The following HSD17B13 variants were observed in gnomAD, a reference collection of about 807,000 sequenced individuals.
The protein encoded by HSD17B13 is hydroxysteroid 17-beta dehydrogenase 13, also known as 17-beta-hydroxysteroid dehydrogenase 13.
In HSD17B13, 26 loss-of-function variants were observed where a neutral mutation model predicts 31.1. The ratio of observed to expected loss-of-function variants is 0.84; its 90% CI spans 0.61 to 1.16. The LOEUF (loss-of-function observed/expected upper bound fraction) is 1.16, where lower values mean the gene tolerates loss of function less well. Ranked by LOEUF, HSD17B13 falls within the 50% of genes most tolerant of loss-of-function variation. The pLI is 0.00. For missense variants in HSD17B13, 374 were observed against 366.5 expected (o/e 1.02, Z -0.17); for synonymous variants, 141 against 133.7 (o/e 1.05, Z -0.38).
In HSD17B13 at chr4:87,305,133, A is replaced by G; in HGVS notation, c.*85T>C. On this transcript the variant is annotated 3_prime_UTR_variant, in exon 7 of 7. Transcript: ENST00000328546. ...TGTTTTTAATATTATCAGGACTGAA[A>G]AAATGTGAAATAAAGCTTTGCAGCA... is the stretch of plus-strand genomic sequence containing the variant. 1.2e-6 allele frequency: 1 copy of G among 831,546 alleles called. No homozygotes were observed. The highest frequency in any genetic ancestry group is 1.8e-6 in the Non-Finnish European group (1 of 560,182). The allele number at this position is 831,546 out of a possible 1,614,324, so 51.5% of individuals were successfully genotyped here.
At chr4:87,312,682 A>T (rs369443380) in intron 5 of HSD17B13, among the ~76,000 whole-genome samples, 1 of 150,154 alleles carries the variant, frequency 6.7e-6, no homozygotes, top group African/African-American at 2.4e-5. Flanking sequence ...GGCGCCCGCC[A>T]CCACGCCCGG....
At chr4:87,305,406 T>G (rs932634774) in intron 6 of HSD17B13, 98 bp from the exon 7 acceptor site, 4 of 643,528 alleles carry the variant, frequency 6.2e-6, no homozygotes, top group Non-Finnish European at 7.4e-6. Flanking sequence ...GAGAGTTATC[T>G]GGTTTGCGTT....
Position 87,304,682 on chromosome 4 carries a change from C to T in HSD17B13, c.*536G>A, listed in dbSNP as rs1364701267. 6.6e-6 allele frequency: 1 copy of T among 152,060 alleles called. No individual in the cohort carries two copies. The highest frequency in any genetic ancestry group is 1.5e-5 in the Non-Finnish European group (1 of 68,014). The allele number at this position is 152,060 out of a possible 1,614,324, so 9.4% of individuals were successfully genotyped here. On this transcript the variant is annotated 3_prime_UTR_variant, in exon 7 of 7. Transcript: ENST00000328546. ...AATAAAGTCCAGAATAGAGTTGCAC[C>T]GTTTTGGGCTAATGAAAAAGGAAGA...
intron 3 of HSD17B13, 45 bp downstream of exon 3, chr4:87,317,047 T>G (rs370325280): frequency 1.3e-6 from 2 of 1,599,228 alleles, no homozygotes; most frequent in African/African-American, 2.7e-5. Flanking sequence ...TCATGTATCT[T>G]AAGAGAAGGT....
At chr4:87,314,103 G>A in intron 4 of HSD17B13, 143 bp from the exon 5 acceptor site, 1 of 508,492 alleles carries the variant, frequency 2.0e-6, no homozygotes. Context: ...AGTATAAATG[G>A]CAATTCATTT....
chr4:87,321,657 A>G (rs1235318023), intron 1 of HSD17B13, among the ~76,000 whole-genome samples: 1 of 152,216 alleles, frequency 6.6e-6, no homozygotes, highest in Non-Finnish European at 1.5e-5. Flanking sequence ...ATAAATGCTC[A>G]TATCTGTTAA....
chr4:87,322,014 A>C (rs1734797060), intron 1 of HSD17B13, among the ~76,000 whole-genome samples: 1 of 152,248 alleles, frequency 6.6e-6, no homozygotes, highest in Admixed American at 6.5e-5. Flanking sequence ...AAGTAAGAAC[A>C]CAGGAAAAAT....
At chr4:87,318,008 T>G (rs1175205251) in intron 2 of HSD17B13, among the ~76,000 whole-genome samples, 2 of 152,180 alleles carry the variant, frequency 1.3e-5, no homozygotes, top group African/African-American at 2.4e-5. Context: ...CTGGAATTAC[T>G]GCAAAGTTAA....
chr4:87,316,962 A>G, intron 3 of HSD17B13, 130 bp downstream of exon 3: 1 of 931,832 alleles, frequency 1.1e-6, no homozygotes, highest in Non-Finnish European at 1.6e-6. Context: ...TACTCAAACA[A>G]ATTTAATGAT....
chr4:87,316,725 T>G (rs927391477), intron 3 of HSD17B13, among the ~76,000 whole-genome samples: 1 of 152,186 alleles, frequency 6.6e-6, no homozygotes, highest in Admixed American at 6.5e-5. Context: ...GAGGACACAT[T>G]ACAAAATCAT....
In HSD17B13 at chr4:87,310,137, G is replaced by A. The variant is rs111894112; in HGVS notation, c.812+106C>T. ...CCAAGATCATGCCACTGCAACCACC[G>A]CAATCCAGCCAGGGTGACAGAGTGA... On this transcript the variant is annotated intron_variant, in intron 6 of 6. Coordinates refer to ENST00000328546, the MANE Select transcript of HSD17B13 (RefSeq NM_178135.5). 1.4e-4 allele frequency: 194 copies of A among 1,365,984 alleles called. 1 individual carries two copies. The African/African-American group carries it at 2.5e-3, about 17-fold the overall frequency. The allele number at this position is 1,365,984 out of a possible 1,614,324, so 84.6% of individuals were successfully genotyped here. A position where few individuals can be genotyped will look rare whatever the true frequency, so the allele number is the denominator to read the frequency against.
At position 87,314,518 on chromosome 4, in the gene HSD17B13, G is replaced by A. The variant is rs184109801; in HGVS notation, c.558-558C>T. Among the ~76,000 whole-genome samples the A allele has an allele frequency of 3.6e-3, 554 of 151,980 alleles. 3 individuals carry two copies. Among genetic ancestry groups the A allele is most frequent in the Middle Eastern group, 0.01 (3 of 294 alleles). On this transcript the variant is annotated intron_variant, in intron 4 of 6. Coordinates refer to ENST00000328546, the MANE Select transcript of HSD17B13 (RefSeq NM_178135.5). ...AAGAGTTTACAGGAAAGGATATTTG[G>A]CAAATACAGCAGTACATCCTTAACG...
At chr4:87,308,022 C>T (rs1244368620) in intron 6 of HSD17B13, among the ~76,000 whole-genome samples, 1 of 152,202 alleles carries the variant, frequency 6.6e-6, no homozygotes, top group Admixed American at 6.5e-5. Context: ...CTCACTGATA[C>T]AATTTCAATT....
chr4:87,318,457 A>T (rs13118664), intron 1 of HSD17B13, 21 bp from the exon 2 acceptor site: 378,418 of 1,606,780 alleles, frequency 0.24, 47,479 homozygotes, highest in East Asian at 0.3. Context: ...GAAGAAACAA[A>T]TTCCGAAAAA....
rs1395893509 is a variant in HSD17B13, at chr4:87,313,850, G to A, written c.668C>T (p.Thr223Ile). The A allele has an allele frequency of 6.2e-7, 1 of 1,612,308 alleles. No individual in the cohort carries two copies. The highest frequency in any genetic ancestry group is 1.1e-5 in the South Asian group (1 of 90,964). ...TGTGCTTGGATTTTTGGTGAACCCA[G>A]TATTCACAAAAACTGGGCAGAGACA... ...TSCLCPVFVN[T>I]GFTKNPSTRL... Residue 223 changes from threonine to isoleucine, a missense_variant, in exon 5 of 7, where the codon ACT (threonine) becomes ATT (isoleucine). Thr to Ile is a moderately conservative substitution (Grantham distance 89). Coordinates refer to ENST00000328546, the MANE Select transcript of HSD17B13 (RefSeq NM_178135.5).
At chr4:87,313,516 A>C (rs1186682638) in intron 5 of HSD17B13, among the ~76,000 whole-genome samples, 1 of 152,074 alleles carries the variant, frequency 6.6e-6, no homozygotes, top group Non-Finnish European at 1.5e-5. Flanking sequence ...GGAGCTAGAT[A>C]CTCAATTTAT....
rs188462752 is a variant in HSD17B13 at position 87,318,439 on chromosome 4, G to C, written c.211-3C>G. 19 of 1,613,090 alleles carry C rather than the reference G, an allele frequency of 1.2e-5. No homozygotes were observed. The Admixed American group carries it at 3.2e-4, about 27-fold the overall frequency. On this transcript the variant is annotated splice_region_variant and splice_polypyrimidine_tract_variant and intron_variant, in intron 1 of 6. Coordinates refer to ENST00000328546, the MANE Select transcript of HSD17B13 (RefSeq NM_178135.5). ...GCTGCAGTTTCCTCCACACCGCGCT[G>C]TAATTAGGAAGAAACAAATTCCGAA...
At chr4:87,307,563 AGTGC>A (rs1734420168) in intron 6 of HSD17B13, among the ~76,000 whole-genome samples, 1 of 152,066 alleles carries the variant, frequency 6.6e-6, no homozygotes, top group African/African-American at 2.4e-5. Context: ...CCCAGGCTGG[AGTGC>A]AGTGGCACAA....
At position 87,320,717 on chromosome 4, in the gene HSD17B13, A is replaced by G. The variant is rs918902136; in HGVS notation, c.210+1915T>C. Among the ~76,000 whole-genome samples, 4 of 152,230 alleles carry G rather than the reference A, an allele frequency of 2.6e-5. No homozygotes were observed. In the South Asian group the frequency reaches 6.2e-4, roughly 24 times the overall value. The stretch of plus-strand genomic sequence containing the variant: ...TTCTGTTTTATAACTGAGCTAGACA[A>G]TTGCAAAATGTGATGCCTTGTCTTT... On this transcript the variant is annotated intron_variant, in intron 1 of 6. Coordinates refer to ENST00000328546, the MANE Select transcript of HSD17B13 (RefSeq NM_178135.5).
Sources: allele counts gnomAD v4.1 joint callset (sites outside exome capture counted in the v4.1 genomes callset), GRCh38; gene constraint gnomAD v4.1.1; transcripts MANE v1.5; gene names NCBI Gene and HGNC (gene_info 2026-07-23, HGNC 2026-07-21).